The following ZNF680 variants were observed in gnomAD, a reference collection of about 807,000 sequenced individuals.
ZNF680 encodes the protein hypothetical protein FLJ90430.
Under a neutral mutation model 12.1 loss-of-function variants are expected in ZNF680, and 6 were observed. The observed-to-expected ratio is 0.49, with a 90% CI of 0.27 to 0.98. ZNF680 has a LOEUF of 0.98. Ranked by LOEUF, ZNF680 falls within the 50% of genes least tolerant of loss-of-function variation. The probability of loss-of-function intolerance (pLI) is 0.12; values close to 1 mark genes in which losing one functional copy is unlikely to be tolerated. For synonymous variants in ZNF680, 170 were observed against 199.3 expected (o/e 0.85, Z 1.24); for missense variants, 561 against 616.3 (o/e 0.91, Z 0.95).
chr7:64,499,549 A>G, the ZNF680 span, among the ~76,000 whole-genome samples: 1 of 152,196 alleles, frequency 6.6e-6, no homozygotes, highest in African/African-American at 2.4e-5. Context: ...CGAGGTCAGG[A>G]GTTCGAGACC....
intron 1 of ZNF680, among the ~76,000 whole-genome samples, chr7:64,553,904 T>C (rs1214377920): frequency 6.6e-6 from 1 of 152,174 alleles, no homozygotes; most frequent in East Asian, 1.9e-4. Context: ...TTGCCCAGGC[T>C]GGAGTGCAGT....
At chr7:64,499,545 C>T in the ZNF680 span, among the ~76,000 whole-genome samples, 1 of 152,202 alleles carries the variant, frequency 6.6e-6, no homozygotes, top group Non-Finnish European at 1.5e-5. Flanking sequence ...ATCACGAGGT[C>T]AGGAGTTCGA....
Position 64,521,717 on chromosome 7 carries a change from C to G in ZNF680, c.1037G>C (p.Gly346Ala). ...TTCTTCACATTTGTAGGGTTTCTCT[C>G]CAGTATGAATTTTCTTATGTTTAGT... is the stretch of plus-strand genomic sequence containing the variant. ...NLTKHKKIHT[G>A]EKPYKCEECG... The change falls in exon 4 of 4, where the codon GGA (glycine) becomes GCA (alanine). Residue 346 changes from glycine to alanine, a missense_variant. Physicochemically the swap from Gly to Ala is moderately conservative, Grantham distance 60. Coordinates refer to ENST00000309683, the MANE Select transcript of ZNF680 (RefSeq NM_178558.5). 1 of 1,612,272 alleles carries G rather than the reference C, an allele frequency of 6.2e-7. No individual in the cohort carries two copies.
At chr7:64,522,595 G>A (rs1791606412) in intron 3 of ZNF680, 95 bp from the exon 4 acceptor site, 27 of 914,742 alleles carry the variant, frequency 3.0e-5, no homozygotes, top group Admixed American at 2.5e-4. Context: ...AACTACATAA[G>A]CAAAATACAA....
At chr7:64,531,823 G>A (rs2116426817) in intron 3 of ZNF680, among the ~76,000 whole-genome samples, 1 of 152,106 alleles carries the variant, frequency 6.6e-6, no homozygotes, top group Middle Eastern at 3.4e-3. Flanking sequence ...AGCCCTAAAT[G>A]CCTACATCAA....
At chr7:64,560,204 C>A (rs142706820) in intron 1 of ZNF680, among the ~76,000 whole-genome samples, 2 of 151,722 alleles carry the variant, frequency 1.3e-5, no homozygotes, top group African/African-American at 2.4e-5. Flanking sequence ...ACCTCCACCC[C>A]CCGGGTTCAA....
intron 3 of ZNF680, 61 bp from the exon 4 acceptor site, chr7:64,522,561 A>G (rs1791604863): frequency 8.3e-7 from 1 of 1,206,784 alleles, no homozygotes; most frequent in African/African-American, 1.6e-5. Context: ...TATATTTTAC[A>G]TATCAAATTT....
chr7:64,552,498 C>T lies in ZNF680; in HGVS notation c.31-8066G>A, dbSNP rs1787134630. 2.6e-5 allele frequency among the ~76,000 whole-genome samples: 4 copies of T among 151,808 alleles called. No individual in the cohort carries two copies. The Admixed American group carries it at 2.6e-4, about 10-fold the overall frequency. ...GTGTTTATTTGTCCTTTAATAGCAG[C>T]ATTCTAACTTACTGAAATGAAAGAC... On this transcript the variant is annotated intron_variant, in intron 1 of 3. Transcript: ENST00000309683.
intron 3 of ZNF680, among the ~76,000 whole-genome samples, chr7:64,535,303 T>C (rs1369585320): frequency 6.6e-6 from 1 of 151,536 alleles, no homozygotes; most frequent in Non-Finnish European, 1.5e-5. Flanking sequence ...AAGTTGAGGA[T>C]GCAGTGGGTC....
the ZNF680 span, among the ~76,000 whole-genome samples, chr7:64,508,960 AG>A: frequency 5.3e-5 from 8 of 152,164 alleles, no homozygotes; most frequent in Non-Finnish European, 1.0e-4. Flanking sequence ...TAAATTTTCT[AG>A]TAAGGGCGTT....
At chr7:64,537,654 G>A (rs1447707046) in intron 3 of ZNF680, among the ~76,000 whole-genome samples, 2 of 152,176 alleles carry the variant, frequency 1.3e-5, no homozygotes, top group African/African-American at 4.8e-5. Flanking sequence ...ACGGCCAGGT[G>A]CGCTGGCTCA....
At chr7:64,544,691 A>G (rs750116812) in intron 1 of ZNF680, among the ~76,000 whole-genome samples, 61 of 152,224 alleles carry the variant, frequency 4.0e-4, no homozygotes, top group Non-Finnish European at 1.3e-4. Context: ...AAGAAAAACT[A>G]TAACAGGACA....
the ZNF680 span, among the ~76,000 whole-genome samples, chr7:64,510,428 T>C: frequency 2.6e-5 from 4 of 152,024 alleles, no homozygotes; most frequent in African/African-American, 9.7e-5. Context: ...AAAACAGGTT[T>C]ATTATTCAGG....
the ZNF680 span, among the ~76,000 whole-genome samples, chr7:64,510,264 A>G: frequency 6.6e-6 from 1 of 151,944 alleles, no homozygotes; most frequent in Non-Finnish European, 1.5e-5. Context: ...GCATTTTAAA[A>G]AGCTTGCAAA....
rs938416756 is a variant in ZNF680, at chr7:64,537,496, T to G, written c.253+6211A>C. 3.3e-5 allele frequency among the ~76,000 whole-genome samples: 5 copies of G among 152,292 alleles called. No individual in the cohort carries two copies. The East Asian group carries it at 7.7e-4, about 24-fold the overall frequency. On this transcript the variant is annotated intron_variant, in intron 3 of 3. Transcript: ENST00000309683. ...TTTTTTTTACAGAAATGTTTAAAAT[T>G]TTTTAATTTGATTATGATCATAACT...
chr7:64,522,466 T>C lies in ZNF680; in HGVS notation c.288A>G (p.Pro96=). Residue 96 remains proline (P), a synonymous_variant, in exon 4 of 4, where the codon CCA becomes CCG. Coordinates refer to ENST00000309683, the MANE Select transcript of ZNF680 (RefSeq NM_178558.5). Reference sequence around the variant, plus strand: ...GAAAAGAATCTTTTATGCTATGCTCTGGCCAAAGGTCTTCAGTGAAATGAG... The same window carrying C: ...GAAAAGAATCTTTTATGCTATGCTCCGGCCAAAGGTCTTCAGTGAAATGAG... ...IYSHFTEDLW[P]EHSIKDSFQK... is the part of the protein sequence containing the mutation. 6.5e-7 allele frequency: 1 copy of C among 1,547,524 alleles called. No individual in the cohort carries two copies.
intron 3 of ZNF680, among the ~76,000 whole-genome samples, chr7:64,541,764 C>T (rs927080217): frequency 6.6e-6 from 1 of 152,204 alleles, no homozygotes; most frequent in Non-Finnish European, 1.5e-5. Flanking sequence ...CAGCCACAGT[C>T]TGGGAGAGAC....
At chr7:64,557,022 G>A (rs1474978212) in intron 1 of ZNF680, among the ~76,000 whole-genome samples, 4 of 152,092 alleles carry the variant, frequency 2.6e-5, no homozygotes, top group African/African-American at 7.2e-5. Flanking sequence ...AGGCCAAGGC[G>A]GGCGGATCAC....
intron 3 of ZNF680, among the ~76,000 whole-genome samples, chr7:64,527,651 C>T (rs189798739): frequency 7.9e-5 from 12 of 151,806 alleles, no homozygotes; most frequent in South Asian, 2.1e-4. Flanking sequence ...GCCGAGATGG[C>T]GCCATTGCAC....
Sources: allele counts gnomAD v4.1 joint callset (sites outside exome capture counted in the v4.1 genomes callset), GRCh38; gene constraint gnomAD v4.1.1; transcripts MANE v1.5; gene names NCBI Gene and HGNC (gene_info 2026-07-23, HGNC 2026-07-21).